The following PCDHGA6 variants were observed in gnomAD, a reference collection of about 807,000 sequenced individuals.
PCDHGA6 encodes protocadherin gamma-A6.
PCDHGA6 carries 41 observed loss-of-function variants against 60.6 expected under a neutral mutation model. That is an observed-to-expected ratio of 0.68 (90% CI 0.53 to 0.88). PCDHGA6 has a LOEUF of 0.88. PCDHGA6 is among the 40% of genes least tolerant of loss of function. The pLI, the probability that PCDHGA6 is intolerant of heterozygous loss-of-function variation, is 0.00. For synonymous variants in PCDHGA6, 594 were observed against 524.4 expected (o/e 1.13, Z -1.81); for missense variants, 1,312 against 1,203.0 (o/e 1.09, Z -1.34).
At chr5:141,415,686 G>A in intron 1 of PCDHGA6, 2 of 1,535,424 alleles carry the variant, frequency 1.3e-6, no homozygotes, top group Non-Finnish European at 1.8e-6. Context: ...GCGGCATGAT[G>A]GTGGAAAGTG....
chr5:141,385,708 A>C (rs1342579594), intron 1 of PCDHGA6: 1 of 259,588 alleles, frequency 3.9e-6, no homozygotes, highest in Non-Finnish European at 6.2e-6. Context: ...TTAGCATTCA[A>C]ATATGTAAAA....
rs1456176347 is a variant in PCDHGA6 at position 141,510,961 on chromosome 5, A to G, written c.2587A>G (p.Ser863Gly). 2 of 1,613,986 alleles carry G rather than the reference A, an allele frequency of 1.2e-6. No individual in the cohort carries two copies. Among genetic ancestry groups the G allele is most frequent in the Non-Finnish European group, 1.7e-6 (2 of 1,179,962 alleles). ...TGTCTCTGCAGAAGCTGCTGATGGG[A>G]GCTCCACCCTGGGAGGGGGTGCCGG... is the stretch of plus-strand genomic sequence containing the variant. Reference protein sequence around the residue: ...LASASEAADGSSTLGGGAGTM... With the variant: ...LASASEAADGGSTLGGGAGTM... Residue 863 changes from serine (S) to glycine (G), a missense_variant, in exon 4 of 4, where the codon AGC (serine) becomes GGC (glycine). Physicochemically the swap from Ser to Gly is moderately conservative, Grantham distance 56. Coordinates refer to ENST00000517434, the MANE Select transcript of PCDHGA6 (RefSeq NM_018919.3).
At chr5:141,500,360 T>C (rs1224064939) in intron 2 of PCDHGA6, among the ~76,000 whole-genome samples, 1 of 151,664 alleles carries the variant, frequency 6.6e-6, no homozygotes, top group Non-Finnish European at 1.5e-5. Context: ...AGGCGCCCAC[T>C]ACCACGCCCG....
At chr5:141,418,189 G>A in intron 1 of PCDHGA6, 1 of 1,614,046 alleles carries the variant, frequency 6.2e-7, no homozygotes, top group Admixed American at 1.7e-5. Flanking sequence ...AAGCTGTGGT[G>A]GAAAATCCTT....
Position 141,489,084 on chromosome 5 carries a change from C to T in PCDHGA6, c.2425-5723C>T, listed in dbSNP as rs1232276875. On this transcript the variant is annotated intron_variant, in intron 1 of 3. Transcript: ENST00000517434. This position sits in a 1 kb window ranked among gnomAD's most constrained non-coding sequence, Gnocchi z 4.5. ...CTCCCCCCTGCCCACCCCCGCCACTCGGTGACTAAGAACTGCTGCAAGCAG... is the reference window on the plus strand; with the variant it reads ...CTCCCCCCTGCCCACCCCCGCCACTTGGTGACTAAGAACTGCTGCAAGCAG... The T allele has an allele frequency of 1.5e-5, 5 of 329,072 alleles. No homozygotes were observed. Among genetic ancestry groups the T allele is most frequent in the South Asian group, 1.3e-4 (2 of 15,846 alleles). The allele number at this position is 329,072 out of a possible 1,614,324, so 20.4% of individuals were successfully genotyped here. A position where few individuals can be genotyped will look rare whatever the true frequency, so the allele number is the denominator to read the frequency against.
chr5:141,382,789 T>A, intron 1 of PCDHGA6: 1 of 924,650 alleles, frequency 1.1e-6, no homozygotes, highest in Non-Finnish European at 1.6e-6. Flanking sequence ...CAAGCCTCTA[T>A]CCTGCTGGAT....
At position 141,418,260 on chromosome 5, in the gene PCDHGA6, G is replaced by C. The variant is rs144490159; in HGVS notation, c.2424+41753G>C. On this transcript the variant is annotated intron_variant, in intron 1 of 3. Transcript: ENST00000517434. Reference sequence around the variant, plus strand: ...GTTAATGACCACGCCCCTCAATTCCGGAAAGATGAAATAAACTTAGAAATC... The same window carrying C: ...GTTAATGACCACGCCCCTCAATTCCCGAAAGATGAAATAAACTTAGAAATC... 2.5e-6 allele frequency: 4 copies of C among 1,613,888 alleles called. No individual in the cohort carries two copies. Among genetic ancestry groups the C allele is most frequent in the South Asian group, 1.1e-5 (1 of 91,088 alleles).
chr5:141,477,378 C>A lies in PCDHGA6; in HGVS notation c.2425-17429C>A. On this transcript the variant is annotated intron_variant, in intron 1 of 3. Coordinates refer to ENST00000517434, the MANE Select transcript of PCDHGA6 (RefSeq NM_018919.3). This position sits in a 1 kb window ranked among gnomAD's most constrained non-coding sequence, Gnocchi z 4.9. ...GCAGACCTGGATCGGGAGACTGTGC[C>A]AGAATACAACCTCAGCATCACCGCC... 2 of 1,614,136 alleles carry A rather than the reference C, an allele frequency of 1.2e-6. No homozygotes were observed. Among genetic ancestry groups the A allele is most frequent in the Non-Finnish European group, 1.7e-6 (2 of 1,180,034 alleles).
intron 1 of PCDHGA6, among the ~76,000 whole-genome samples, chr5:141,481,250 C>A (rs1160186962): frequency 2.6e-5 from 4 of 152,144 alleles, no homozygotes; most frequent in Non-Finnish European, 5.9e-5. Context: ...TAGCATAGCT[C>A]TAAAAGATCA....
intron 1 of PCDHGA6, among the ~76,000 whole-genome samples, chr5:141,446,827 C>A (rs922071842): frequency 6.6e-6 from 1 of 152,114 alleles, no homozygotes; most frequent in Non-Finnish European, 1.5e-5. Context: ...TGGGTAGATC[C>A]TTATAAGGCT....
rs775312856 is a variant in PCDHGA6, at chr5:141,485,899, C to G, written c.2425-8908C>G. 1.9e-6 allele frequency: 3 copies of G among 1,614,166 alleles called. No homozygotes were observed. Among genetic ancestry groups the G allele is most frequent in the Non-Finnish European group, 2.5e-6 (3 of 1,180,032 alleles). ...ACGTAAACGACAACGCCCCAGCCTT[C>G]CAGCAATCCAGCTACAGGATTAGTG... On this transcript the variant is annotated intron_variant, in intron 1 of 3. Transcript: ENST00000517434. The surrounding 1 kb of genome is among the most constrained non-coding windows in gnomAD (Gnocchi z 5.7).
At chr5:141,418,692 C>T in intron 1 of PCDHGA6, 5 of 1,614,032 alleles carry the variant, frequency 3.1e-6, no homozygotes, top group Non-Finnish European at 4.2e-6. Flanking sequence ...TCAGAGATCA[C>T]TTATTCCTTC....
At chr5:141,417,626 T>G in intron 1 of PCDHGA6, 2 of 689,576 alleles carry the variant, frequency 2.9e-6, no homozygotes, top group East Asian at 2.9e-5. Flanking sequence ...GAGCAAGCGC[T>G]GACGCCGGGG....
In PCDHGA6 at chr5:141,486,329, A is replaced by C. The variant is rs1045072240; in HGVS notation, c.2425-8478A>C. 1.2e-6 allele frequency: 2 copies of C among 1,613,882 alleles called. No individual in the cohort carries two copies. Among genetic ancestry groups the C allele is most frequent in the African/African-American group, 2.7e-5 (2 of 74,866 alleles). ...AGACTCAGGGTCAAACGGAGATGTG[A>C]GCCTCCGCATTCCTGACCACTTGCC... On this transcript the variant is annotated intron_variant, in intron 1 of 3. Transcript: ENST00000517434. The surrounding 1 kb of genome is among the most constrained non-coding windows in gnomAD (Gnocchi z 5.0).
chr5:141,414,801 G>A, intron 1 of PCDHGA6: 2 of 1,614,218 alleles, frequency 1.2e-6, no homozygotes, highest in Non-Finnish European at 1.7e-6. Flanking sequence ...GCGACAGCGG[G>A]GATCCTCCAC....
At chr5:141,461,826 T>G (rs1466528519) in intron 1 of PCDHGA6, among the ~76,000 whole-genome samples, 2 of 151,912 alleles carry the variant, frequency 1.3e-5, no homozygotes, top group Non-Finnish European at 1.5e-5. Flanking sequence ...GCTAATTTTT[T>G]TTTCTTTTTT....
chr5:141,499,418 A>G (rs143234735), intron 2 of PCDHGA6, among the ~76,000 whole-genome samples: 1 of 152,296 alleles, frequency 6.6e-6, no homozygotes, highest in East Asian at 1.9e-4. Context: ...GAAACATGAA[A>G]AATAGAAAAA....
Position 141,489,999 on chromosome 5 carries a change from GA to G in PCDHGA6, c.2425-4806del. On this transcript the variant is annotated intron_variant, in intron 1 of 3. Transcript: ENST00000517434. The surrounding 1 kb of genome is among the most constrained non-coding windows in gnomAD (Gnocchi z 4.5). ...CAGTTCTACGTGTGGGAATCCCAGA[GA>G]ATGCACCCATTGGTACTCTGCTGCT... 1 of 1,614,242 alleles carries G rather than the reference GA, an allele frequency of 6.2e-7. No individual in the cohort carries two copies. Among genetic ancestry groups the G allele is most frequent in the Non-Finnish European group, 8.5e-7 (1 of 1,180,032 alleles).
At chr5:141,421,474 G>A (rs1320526226) in intron 1 of PCDHGA6, 2 of 1,614,014 alleles carry the variant, frequency 1.2e-6, no homozygotes, top group Non-Finnish European at 1.7e-6. Flanking sequence ...TCCGCGAAGC[G>A]GCAGCTTGAT....
Sources: gnomAD v4.1 joint callset for allele counts (sites outside exome capture counted in the v4.1 genomes callset) on GRCh38, gnomAD v4.1.1 for gene constraint, Gnocchi (gnomAD v3.1) non-coding constraint, MANE v1.5 for transcripts, NCBI Gene and HGNC (gene_info 2026-07-23, HGNC 2026-07-21) for gene names.